Variants in KNDC1 observed in about 807,000 individuals in gnomAD.
KNDC1 encodes the protein kinase non-catalytic C-lobe domain-containing protein 1.
Under a neutral mutation model 172.8 loss-of-function variants are expected in KNDC1, and 106 were observed. The observed-to-expected ratio is 0.61, with a 90% confidence interval of 0.52 to 0.72. The LOEUF (loss-of-function observed/expected upper bound fraction) is 0.72, where lower values mean the gene tolerates loss of function less well. Ranked by LOEUF, KNDC1 falls within the 30% of genes least tolerant of loss-of-function variation. The pLI, the probability that KNDC1 is intolerant of heterozygous loss-of-function variation, is 0.00. For missense variants in KNDC1, 2,325 were observed against 2,394.5 expected (o/e 0.97, Z 0.61); for synonymous variants, 1,083 against 1,062.2 (o/e 1.02, Z -0.38).
At chr10:133,182,920 CACGG>C (rs1412828633) in intron 3 of KNDC1, among the ~76,000 whole-genome samples, 1 of 139,276 alleles carries the variant, frequency 7.2e-6, no homozygotes, top group East Asian at 2.1e-4. Context: ...GCAATGTGGG[CACGG>C]ACGGTGTGGG....
At position 133,181,834 on chromosome 10, in the gene KNDC1, C is replaced by CACACACACA. The variant is rs1564881077; in HGVS notation, c.361-1510_361-1509insACACACACA. On this transcript the variant is annotated intron_variant, in intron 3 of 29. Coordinates refer to ENST00000304613, the MANE Select transcript of KNDC1 (RefSeq NM_152643.8). ...CCAGACCAGGAAGCCCCAGGACCGT[C>CACACACACA]CACACACACACACACACACACACAC... is the stretch of plus-strand genomic sequence containing the variant. Among the ~76,000 whole-genome samples the CACACACACA allele has an allele frequency of 7.4e-3, 1,021 of 138,870 alleles. 15 individuals carry two copies. The highest frequency in any genetic ancestry group is 0.021 in the South Asian group (95 of 4,526). The allele number at this position is 138,870 out of a possible 152,430, so 91.1% of individuals were successfully genotyped here.
chr10:133,182,436 G>T (rs879317604), intron 3 of KNDC1, among the ~76,000 whole-genome samples: 9 of 152,086 alleles, frequency 5.9e-5, no homozygotes, highest in Non-Finnish European at 8.8e-5. Flanking sequence ...GGCAGAGCAG[G>T]CCCTGGGTCA....
At chr10:133,189,316 G>A (rs993053055) in intron 7 of KNDC1, among the ~76,000 whole-genome samples, 19 of 152,166 alleles carry the variant, frequency 1.2e-4, no homozygotes, top group African/African-American at 3.9e-4. Context: ...TCAAGTTACC[G>A]TGTTCTCCCT....
chr10:133,225,071 C>T lies in KNDC1; in HGVS notation c.*181C>T. Reference sequence around the variant, plus strand: ...CATGGGGACAGGCAGAGCTGGTCTCCTCCCAGCAGACGGAGCCAGGACGGG... The same window carrying T: ...CATGGGGACAGGCAGAGCTGGTCTCTTCCCAGCAGACGGAGCCAGGACGGG... On this transcript the variant is annotated 3_prime_UTR_variant, in exon 30 of 30. Transcript: ENST00000304613. The T allele has an allele frequency of 8.3e-6, 5 of 602,880 alleles. No homozygotes were observed. The highest frequency in any genetic ancestry group is 8.7e-4 in the Middle Eastern group (2 of 2,304). The allele number at this position is 602,880 out of a possible 1,614,324, so 37.3% of individuals were successfully genotyped here.
rs200641733 is a variant in KNDC1, at chr10:133,201,652, G to A, written c.3141G>A (p.Gln1047=). ...QRSVKAERAQ[Q]PEAGEDRRPA... is the part of the protein sequence containing the mutation. ...CCGTAAAAGCCGAGAGAGCGCAGCA[G>A]CCTGAGGCTGGCGAGGACAGACGGC... Residue 1047 remains glutamine, a synonymous_variant, in exon 17 of 30, where the codon CAG becomes CAA. Coordinates refer to ENST00000304613, the MANE Select transcript of KNDC1 (RefSeq NM_152643.8). The A allele has an allele frequency of 1.9e-6, 3 of 1,613,016 alleles. No individual in the cohort carries two copies. The highest frequency in any genetic ancestry group is 4.5e-5 in the East Asian group (2 of 44,876).
rs375766630 is a variant in KNDC1, at chr10:133,176,338, G to A, written c.361-7006G>A. 1.5e-3 allele frequency among the ~76,000 whole-genome samples: 232 copies of A among 152,160 alleles called. 1 individual carries two copies. Among genetic ancestry groups the A allele is most frequent in the South Asian group, 8.3e-3 (40 of 4,822 alleles). Reference sequence around the variant, plus strand: ...ATGGGTGGACGGATGGGTTCCAGGTGCCTGGATGGAAACAAAGGGGAATGG... The same window carrying A: ...ATGGGTGGACGGATGGGTTCCAGGTACCTGGATGGAAACAAAGGGGAATGG... On this transcript the variant is annotated intron_variant, in intron 3 of 29. Transcript: ENST00000304613.
rs2135939252 is a variant in KNDC1, at chr10:133,163,299, C to A, written c.102+2730C>A. Among the ~76,000 whole-genome samples, 1 of 152,330 alleles carries A rather than the reference C, an allele frequency of 6.6e-6. No individual in the cohort carries two copies. The highest frequency in any genetic ancestry group is 1.9e-4 in the East Asian group (1 of 5,188). ...CAGCACTATCATCCCTCCCAGAGTTCAGCAACTGCCTCCCAGAACCTCCTG... is the reference window on the plus strand; with the variant it reads ...CAGCACTATCATCCCTCCCAGAGTTAAGCAACTGCCTCCCAGAACCTCCTG... On this transcript the variant is annotated intron_variant, in intron 1 of 29. Coordinates refer to ENST00000304613, the MANE Select transcript of KNDC1 (RefSeq NM_152643.8). The surrounding 1 kb of genome is among the most constrained non-coding windows in gnomAD (Gnocchi z 4.4).
intron 17 of KNDC1, among the ~76,000 whole-genome samples, chr10:133,205,313 G>C (rs1845155332): frequency 6.6e-6 from 1 of 152,240 alleles, no homozygotes; most frequent in South Asian, 2.1e-4. Flanking sequence ...AGCCCCAGCT[G>C]CTGTCTGTGC....
rs1589781894 is a variant in KNDC1, at chr10:133,224,563, T to C, written c.5019-96T>C. 19 of 832,586 alleles carry C rather than the reference T, an allele frequency of 2.3e-5. No individual in the cohort carries two copies. In the East Asian group the frequency reaches 5.0e-4, roughly 22 times the overall value. The allele number at this position is 832,586 out of a possible 1,614,324, so 51.6% of individuals were successfully genotyped here. A position where few individuals can be genotyped will look rare whatever the true frequency, so the allele number is the denominator to read the frequency against. On this transcript the variant is annotated intron_variant, in intron 29 of 29. Coordinates refer to ENST00000304613, the MANE Select transcript of KNDC1 (RefSeq NM_152643.8). This position sits in a 1 kb window ranked among gnomAD's most constrained non-coding sequence, Gnocchi z 5.4. ...GAATTTACACGGTGAAAAGATTTAG[T>C]CCAAATGATTCCTAAGAACGCGGGG... is the stretch of plus-strand genomic sequence containing the variant.
chr10:133,162,032 C>T (rs576896147), intron 1 of KNDC1, among the ~76,000 whole-genome samples: 3 of 152,326 alleles, frequency 2.0e-5, no homozygotes, highest in South Asian at 2.1e-4. Flanking sequence ...GGACAGCTCC[C>T]GGCCGGCACA....
Position 133,200,461 on chromosome 10 carries a change from G to GT in KNDC1, c.2989+2dup. ...AAGAGGCCGTCGCTGCACCGCCTGGGTAAGTGCTGGGCGGGCCCCGCGGCA... is the reference window on the plus strand; with the variant it reads ...AAGAGGCCGTCGCTGCACCGCCTGGGTTAAGTGCTGGGCGGGCCCCGCGGCA... On this transcript the variant is annotated splice_donor_variant, in intron 16 of 29. Transcript: ENST00000304613. LOFTEE classifies it high-confidence loss of function. 1 of 1,569,304 alleles carries GT rather than the reference G, an allele frequency of 6.4e-7. No homozygotes were observed. The highest frequency in any genetic ancestry group is 8.6e-7 in the Non-Finnish European group (1 of 1,159,410).
intron 5 of KNDC1, among the ~76,000 whole-genome samples, chr10:133,184,246 C>G (rs573155060): frequency 5.5e-5 from 8 of 144,278 alleles, no homozygotes; most frequent in Admixed American, 3.5e-4. Context: ...TGCGCACACA[C>G]TGCACACACA....
At chr10:133,220,908 C>T (rs964723997) in intron 29 of KNDC1, among the ~76,000 whole-genome samples, 10 of 152,096 alleles carry the variant, frequency 6.6e-5, no homozygotes, top group African/African-American at 2.4e-4. Flanking sequence ...GGCACCTCTC[C>T]TCCTGTCCTT....
rs760944879 is a variant in KNDC1, at chr10:133,212,820, G to A, written c.4341G>A (p.Glu1447=). 1 of 1,613,868 alleles carries A rather than the reference G, an allele frequency of 6.2e-7. No homozygotes were observed. Among genetic ancestry groups the A allele is most frequent in the African/African-American group, 1.3e-5 (1 of 74,938 alleles). The change falls in exon 24 of 30, where the codon GAG becomes GAA. Residue 1447 remains glutamate (E), a synonymous_variant. Coordinates refer to ENST00000304613, the MANE Select transcript of KNDC1 (RefSeq NM_152643.8). ...CCCTGCCCAAGCCCTGCTTCCTCGA[G>A]GACTTCTACGGCCCCTGCGCCAAGA... ...AAALPKPCFL[E]DFYGPCAKTS... is the part of the protein sequence containing the mutation.
chr10:133,191,952 G>A (rs1304526398), intron 9 of KNDC1, among the ~76,000 whole-genome samples: 2 of 152,224 alleles, frequency 1.3e-5, no homozygotes, highest in Non-Finnish European at 2.9e-5. Flanking sequence ...TTCCTTCCCT[G>A]CAGCGTGTCC....
chr10:133,202,632 C>T (rs1003952581), intron 17 of KNDC1: 1 of 456,714 alleles, frequency 2.2e-6, no homozygotes, highest in Middle Eastern at 3.3e-4. Context: ...CCTCCCCCAG[C>T]CTCTGGGCAT....
rs1304772024 is a variant in KNDC1, at chr10:133,211,819, C to T, written c.4197C>T (p.Ala1399=). Residue 1399 remains alanine (A), a synonymous_variant, in exon 23 of 30, where the codon GCC becomes GCT. Transcript: ENST00000304613. ...EAEEDARPFN[A]LCKRLSEDGI... is the part of the protein sequence containing the mutation. ...AGGAGGATGCCAGACCCTTCAACGC[C>T]CTCTGTAAGAGGCTCTCAGAGGACG... The T allele has an allele frequency of 1.6e-5, 26 of 1,610,326 alleles. No individual in the cohort carries two copies. The highest frequency in any genetic ancestry group is 1.6e-4 in the Middle Eastern group (1 of 6,068).
Position 133,201,559 on chromosome 10 carries a change from G to A in KNDC1, c.3048G>A (p.Ser1016=), listed in dbSNP as rs756568646. 1.4e-5 allele frequency: 23 copies of A among 1,612,086 alleles called. No homozygotes were observed. Among genetic ancestry groups the A allele is most frequent in the Admixed American group, 3.3e-5 (2 of 59,924 alleles). Residue 1016 remains serine (S), a synonymous_variant, in exon 17 of 30, where the codon TCG becomes TCA. Transcript: ENST00000304613. ...TSSRAPCSPT[S]VSDVDSDALS... is the part of the protein sequence containing the mutation. Reference sequence around the variant, plus strand: ...GCAGGGCCCCCTGCTCACCCACCTCGGTGTCGGATGTGGACTCGGACGCAC... The same window carrying A: ...GCAGGGCCCCCTGCTCACCCACCTCAGTGTCGGATGTGGACTCGGACGCAC...
intron 28 of KNDC1, among the ~76,000 whole-genome samples, chr10:133,219,347 G>A (rs962616949): frequency 1.3e-5 from 2 of 152,252 alleles, no homozygotes; most frequent in Non-Finnish European, 2.9e-5. Context: ...GGTGCCCAGA[G>A]GACAGCACTG....
Sources: gnomAD v4.1 joint callset for allele counts (sites outside exome capture counted in the v4.1 genomes callset) on GRCh38, gnomAD v4.1.1 for gene constraint, Gnocchi (gnomAD v3.1) non-coding constraint, MANE v1.5 for transcripts, NCBI Gene and HGNC (gene_info 2026-07-23, HGNC 2026-07-21) for gene names.